ALKBH5: variants seen among roughly 807,000 people sequenced by gnomAD.
The protein encoded by ALKBH5 is alkB homolog 5, RNA demethylase.
Under a neutral mutation model 32.1 loss-of-function variants are expected in ALKBH5, and 2 were observed. That is an observed-to-expected ratio of 0.06 (90% CI 0.03 to 0.20). The LOEUF (loss-of-function observed/expected upper bound fraction) is 0.20. Among genes scored for constraint, ALKBH5 ranks in the 10% least tolerant of loss-of-function variants. ALKBH5 has a pLI of 1.00. For missense variants in ALKBH5, 352 were observed against 559.5 expected (o/e 0.63, Z 3.74); for synonymous variants, 300 against 231.7 (o/e 1.29, Z -2.68).
intron 2 of ALKBH5, among the ~76,000 whole-genome samples, chr17:18,195,512 T>G (rs1039605589): frequency 3.3e-5 from 5 of 152,188 alleles, no homozygotes; most frequent in African/African-American, 1.2e-4. Flanking sequence ...TTCGGCAGAA[T>G]CATGGCTTGT....
chr17:18,190,885 C>T (rs987240568), intron 1 of ALKBH5, among the ~76,000 whole-genome samples: 12 of 152,168 alleles, frequency 7.9e-5, no homozygotes, highest in African/African-American at 2.4e-4. Context: ...TCAGCTCCTT[C>T]GAGAGTCACT....
chr17:18,208,482 TGGG>T lies in ALKBH5; in HGVS notation c.*90_*92del, dbSNP rs1317467792. On this transcript the variant is annotated 3_prime_UTR_variant, in exon 4 of 4. Transcript: ENST00000399138. ...TTTTGAGGGTTTTGTTTTTGTTCAT[TGGG>T]GGGTTTTTGTTTTTTGTTTTTTGTT... 8 of 1,473,124 alleles carry T rather than the reference TGGG, an allele frequency of 5.4e-6. No homozygotes were observed. The highest frequency in any genetic ancestry group is 3.5e-4 in the Middle Eastern group (2 of 5,736). 91.3% of individuals were successfully genotyped at this position (1,473,124 alleles called of 1,614,324 possible). A position where few individuals can be genotyped will look rare whatever the true frequency, so the allele number is the denominator to read the frequency against.
At chr17:18,191,573 A>AG (rs1597837292) in intron 1 of ALKBH5, among the ~76,000 whole-genome samples, 1 of 152,192 alleles carries the variant, frequency 6.6e-6, no homozygotes. Flanking sequence ...ATGGGAAGTC[A>AG]GGGCCCTTGG....
chr17:18,184,249 G>T lies in ALKBH5; in HGVS notation c.6G>T (p.Ala2=). ...AGAGCAGCGTCGTGGGGGCCATGGC[G>T]GCCGCCAGCGGCTACACGGACCTGC... The part of the protein sequence containing the change: M[A]AASGYTDLRE... The change falls in exon 1 of 4, where the codon GCG becomes GCT. Residue 2 remains alanine (A), a synonymous_variant. Transcript: ENST00000399138. 6.6e-7 allele frequency: 1 copy of T among 1,515,764 alleles called. No individual in the cohort carries two copies. 93.9% of individuals were successfully genotyped at this position (1,515,764 alleles called of 1,614,324 possible). A position where few individuals can be genotyped will look rare whatever the true frequency, so the allele number is the denominator to read the frequency against.
intron 1 of ALKBH5, among the ~76,000 whole-genome samples, chr17:18,192,088 C>T (rs1273672513): frequency 1.3e-5 from 2 of 152,168 alleles, no homozygotes; most frequent in Non-Finnish European, 2.9e-5. Flanking sequence ...AACTAGAGTT[C>T]CTAGCTCTGG....
intron 2 of ALKBH5, among the ~76,000 whole-genome samples, chr17:18,201,399 G>T (rs1429778201): frequency 6.6e-6 from 1 of 152,198 alleles, no homozygotes; most frequent in Non-Finnish European, 1.5e-5. Flanking sequence ...CTCTCCAAAT[G>T]CAGTCTTATC....
chr17:18,207,748 A>T (rs1465259377), intron 3 of ALKBH5, among the ~76,000 whole-genome samples: 1 of 152,198 alleles, frequency 6.6e-6, no homozygotes, highest in African/African-American at 2.4e-5. Context: ...TAAGGAAGAC[A>T]TGGAAGAGCA....
intron 1 of ALKBH5, among the ~76,000 whole-genome samples, chr17:18,187,093 C>G (rs1041131255): frequency 6.6e-6 from 1 of 152,044 alleles, no homozygotes; most frequent in Admixed American, 6.6e-5. Context: ...TCGTGTAGTT[C>G]AAGCCCCATG....
intron 1 of ALKBH5, among the ~76,000 whole-genome samples, chr17:18,185,574 T>C (rs1437041173): frequency 1.3e-5 from 2 of 152,142 alleles, no homozygotes; most frequent in East Asian, 3.9e-4. Flanking sequence ...GGGCCAGGCA[T>C]ACAGAGCAGC....
intron 2 of ALKBH5, among the ~76,000 whole-genome samples, chr17:18,205,488 C>T (rs1262022356): frequency 1.3e-5 from 2 of 152,198 alleles, no homozygotes; most frequent in African/African-American, 4.8e-5. Context: ...AACATTGGTT[C>T]CCAGCTGGAA....
chr17:18,187,860 G>GT (rs1567673666), intron 1 of ALKBH5, among the ~76,000 whole-genome samples: 1 of 152,242 alleles, frequency 6.6e-6, no homozygotes, highest in South Asian at 2.1e-4. Flanking sequence ...GATTCTAGTA[G>GT]TAGGCATCTT....
intron 1 of ALKBH5, among the ~76,000 whole-genome samples, chr17:18,190,231 G>A (rs932997898): frequency 2.6e-5 from 4 of 152,196 alleles, no homozygotes; most frequent in African/African-American, 7.2e-5. Context: ...GAGGAGAGAT[G>A]TACAGTCCTG....
chr17:18,185,005 T>A lies in ALKBH5; in HGVS notation c.762T>A (p.Thr254=). ...TGCCGGTGCGCAGGGGAAGCGTGAC[T>A]GTGCTCAGGTAACCCACCCGGGTGG... ...LSLPVRRGSV[T]VLSGYAADEI... is the part of the protein sequence containing the mutation. Residue 254 remains threonine, a synonymous_variant, in exon 1 of 4, where the codon ACT becomes ACA. Transcript: ENST00000399138. 1 of 1,607,356 alleles carries A rather than the reference T, an allele frequency of 6.2e-7. No homozygotes were observed. The highest frequency in any genetic ancestry group is 8.5e-7 in the Non-Finnish European group (1 of 1,177,702).
chr17:18,200,934 G>C (rs2047232765), intron 2 of ALKBH5, among the ~76,000 whole-genome samples: 1 of 152,264 alleles, frequency 6.6e-6, no homozygotes, highest in Non-Finnish European at 1.5e-5. Context: ...GGAGGCATGT[G>C]AGCAGTGGGG....
chr17:18,202,941 G>A lies in ALKBH5; in HGVS notation c.852-3874G>A, dbSNP rs1398877827. On this transcript the variant is annotated intron_variant, in intron 2 of 3. Transcript: ENST00000399138. ...ATACAAAAATTAGCTGGGCATGGTGGCGTGCACCTGTAGTCCCAGCTACTC... is the reference window on the plus strand; with the variant it reads ...ATACAAAAATTAGCTGGGCATGGTGACGTGCACCTGTAGTCCCAGCTACTC... Among the ~76,000 whole-genome samples, 3 of 152,126 alleles carry A rather than the reference G, an allele frequency of 2.0e-5. No individual in the cohort carries two copies. In the East Asian group the frequency reaches 5.8e-4, roughly 29 times the overall value.
chr17:18,209,463 G>C lies in ALKBH5; in HGVS notation c.*1067G>C, dbSNP rs773285695. ...TCCAAGGCCAGAGCTCAGGCCTGCA[G>C]ACTGGGCTGGTGCCTCCTCCGCTTC... On this transcript the variant is annotated 3_prime_UTR_variant, in exon 4 of 4. Coordinates refer to ENST00000399138, the MANE Select transcript of ALKBH5 (RefSeq NM_017758.4). The C allele has an allele frequency of 7.9e-5, 12 of 152,528 alleles. No homozygotes were observed. The highest frequency in any genetic ancestry group is 2.0e-4 in the Admixed American group (3 of 15,274). The allele number at this position is 152,528 out of a possible 1,614,324, so 9.4% of individuals were successfully genotyped here. A position where few individuals can be genotyped will look rare whatever the true frequency, so the allele number is the denominator to read the frequency against.
At chr17:18,196,280 T>C (rs2047203997) in intron 2 of ALKBH5, among the ~76,000 whole-genome samples, 2 of 151,710 alleles carry the variant, frequency 1.3e-5, no homozygotes, top group African/African-American at 4.8e-5. Flanking sequence ...GGGAATGCAG[T>C]GGCACCATCT....
chr17:18,197,897 T>C (rs1480794453), intron 2 of ALKBH5, among the ~76,000 whole-genome samples: 1 of 152,174 alleles, frequency 6.6e-6, no homozygotes, highest in African/African-American at 2.4e-5. Flanking sequence ...ATGTCCCAGC[T>C]TCCCCAGGTA....
chr17:18,185,857 G>A (rs1481080682), intron 1 of ALKBH5, among the ~76,000 whole-genome samples: 18 of 152,226 alleles, frequency 1.2e-4, no homozygotes, highest in Admixed American at 9.8e-4. Context: ...TTTGGAAGCG[G>A]CCTCCTTCCA....
Sources: allele counts gnomAD v4.1 joint callset (sites outside exome capture counted in the v4.1 genomes callset), GRCh38; gene constraint gnomAD v4.1.1; transcripts MANE v1.5; gene names NCBI Gene and HGNC (gene_info 2026-07-23, HGNC 2026-07-21).